The following TMPRSS15 variants were observed in gnomAD, a reference collection of about 807,000 sequenced individuals.
The protein encoded by TMPRSS15 is transmembrane serine protease 15.
A neutral mutation model predicts 125.3 loss-of-function variants in TMPRSS15; 128 were observed. That is an observed-to-expected ratio of 1.02 (90% CI 0.89 to 1.18). TMPRSS15 has a LOEUF of 1.18. Ranked by LOEUF, TMPRSS15 falls within the 50% of genes most tolerant of loss-of-function variation. TMPRSS15 has a pLI of 0.00. For synonymous variants in TMPRSS15, 446 were observed against 423.2 expected (o/e 1.05, Z -0.66); for missense variants, 1,283 against 1,212.7 (o/e 1.06, Z -0.86).
intron 10 of TMPRSS15, 49 bp from the exon 11 acceptor site, chr21:18,344,109 A>G (rs956064050): frequency 4.8e-6 from 7 of 1,457,664 alleles, no homozygotes; most frequent in Non-Finnish European, 6.7e-6. Context: ...TTGCATTTTC[A>G]TTGTGTGACA....
rs1392583868 is a variant in TMPRSS15 at position 18,472,004 on chromosome 21, A to G, written c.10+13795T>C. Among the ~76,000 whole-genome samples the G allele has an allele frequency of 2.6e-5, 4 of 152,156 alleles. No individual in the cohort carries two copies. The East Asian group carries it at 7.7e-4, about 29-fold the overall frequency. Reference sequence around the variant, plus strand: ...GAAGCAAACTGATTAAATGGAAAGTAAAAGGAAAATCATAGGGAGAGACAG... The same window carrying G: ...GAAGCAAACTGATTAAATGGAAAGTGAAAGGAAAATCATAGGGAGAGACAG... On this transcript the variant is annotated intron_variant, in intron 1 of 7. Transcript: ENST00000422787.
intron 16 of TMPRSS15, among the ~76,000 whole-genome samples, chr21:18,324,501 A>G (rs2075270178): frequency 6.6e-6 from 1 of 152,214 alleles, no homozygotes; most frequent in South Asian, 2.1e-4. Flanking sequence ...CTATGGCCAA[A>G]GACGGCCATC....
At chr21:18,274,539 A>C (rs111546592) in intron 24 of TMPRSS15, among the ~76,000 whole-genome samples, 309 of 152,324 alleles carry the variant, frequency 2.0e-3, no homozygotes, top group African/African-American at 7.0e-3. Context: ...AGCCATTGAC[A>C]CTTCAAATTT....
chr21:18,441,090 C>T (rs191667008), intron 1 of TMPRSS15, among the ~76,000 whole-genome samples: 80 of 149,912 alleles, frequency 5.3e-4, no homozygotes, highest in African/African-American at 1.8e-3. Context: ...GTCAGGAGTT[C>T]GAGACCAGCC....
chr21:18,401,207 G>A (rs1228963958), intron 1 of TMPRSS15, among the ~76,000 whole-genome samples: 1 of 152,156 alleles, frequency 6.6e-6, no homozygotes, highest in East Asian at 1.9e-4. Flanking sequence ...AATACCATTT[G>A]ACCCAGCAAT....
chr21:18,350,222 G>A (rs1245995599), intron 10 of TMPRSS15, among the ~76,000 whole-genome samples: 1 of 152,078 alleles, frequency 6.6e-6, no homozygotes, highest in Non-Finnish European at 1.5e-5. Flanking sequence ...ATCAGGCACT[G>A]GGAAATAACT....
At chr21:18,326,362 T>C in intron 16 of TMPRSS15, 70 bp downstream of exon 16, 2 of 1,598,756 alleles carry the variant, frequency 1.3e-6, no homozygotes, top group Non-Finnish European at 8.6e-7. Context: ...ATTTTGGCCT[T>C]GAAATTCTGT....
At chr21:18,349,294 T>C (rs989016414) in intron 10 of TMPRSS15, among the ~76,000 whole-genome samples, 1 of 152,194 alleles carries the variant, frequency 6.6e-6, no homozygotes, top group African/African-American at 2.4e-5. Context: ...CACCACCTTC[T>C]TGACCAATTC....
At chr21:18,432,804 A>C (rs1421091755) in intron 1 of TMPRSS15, among the ~76,000 whole-genome samples, 1 of 152,160 alleles carries the variant, frequency 6.6e-6, no homozygotes, top group Non-Finnish European at 1.5e-5. Flanking sequence ...TTGTTTAGGC[A>C]ACCCTAGGAA....
chr21:18,446,275 A>G (rs2076255620), intron 1 of TMPRSS15, among the ~76,000 whole-genome samples: 1 of 152,200 alleles, frequency 6.6e-6, no homozygotes. Flanking sequence ...ATACAAGGAA[A>G]ACTATAAAAC....
At chr21:18,391,151 C>T (rs2075987075) in intron 3 of TMPRSS15, among the ~76,000 whole-genome samples, 1 of 152,156 alleles carries the variant, frequency 6.6e-6, no homozygotes, top group Non-Finnish European at 1.5e-5. Flanking sequence ...TATCATTCTG[C>T]TTCAGGCCCC....
In TMPRSS15 at chr21:18,341,488, G is replaced by A. The variant is rs537737617; in HGVS notation, c.1489C>T (p.Leu497=). 1,245 of 1,614,146 alleles carry A rather than the reference G, an allele frequency of 7.7e-4. 23 individuals are homozygous for A. The South Asian group carries it at 0.013, about 17-fold the overall frequency. ...LSDIALDDIS[L]TYGICNGSLY... is the part of the protein sequence containing the mutation. ...CTCCCATTGCAAATCCCATATGTTA[G>A]GCTAATGTCATCCAACGCAATATCA... Residue 497 remains leucine, a synonymous_variant, in exon 13 of 25, where the codon CTA becomes TTA. Coordinates refer to ENST00000284885, the MANE Select transcript of TMPRSS15 (RefSeq NM_002772.3).
intron 17 of TMPRSS15, 123 bp from the exon 18 acceptor site, chr21:18,313,200 GCA>G: frequency 1.3e-6 from 1 of 751,216 alleles, no homozygotes; most frequent in East Asian, 2.6e-5. Context: ...GAGATCTCTT[GCA>G]CAGCACTGTG....
chr21:18,459,995 C>T (rs568291136), intron 1 of TMPRSS15, among the ~76,000 whole-genome samples: 1 of 152,028 alleles, frequency 6.6e-6, no homozygotes, highest in East Asian at 1.9e-4. Flanking sequence ...ATAATACTAT[C>T]GATTTTTATA....
chr21:18,418,810 T>C (rs2076185797), intron 1 of TMPRSS15, among the ~76,000 whole-genome samples: 1 of 152,218 alleles, frequency 6.6e-6, no homozygotes, highest in Admixed American at 6.5e-5. Context: ...GGCACCTCTT[T>C]GTGACAATGG....
intron 14 of TMPRSS15, among the ~76,000 whole-genome samples, chr21:18,330,660 G>A (rs1178075290): frequency 6.6e-6 from 1 of 152,076 alleles, no homozygotes; most frequent in Non-Finnish European, 1.5e-5. Context: ...ATAAAGTATT[G>A]AATACACATT....
intron 1 of TMPRSS15, among the ~76,000 whole-genome samples, chr21:18,445,145 C>A (rs968198402): frequency 6.6e-6 from 1 of 151,544 alleles, no homozygotes; most frequent in Non-Finnish European, 1.5e-5. Context: ...GGCTAGTACT[C>A]CATTGTATAT....
intron 1 of TMPRSS15, among the ~76,000 whole-genome samples, chr21:18,434,515 AG>A (rs1467059689): frequency 1.3e-5 from 2 of 152,122 alleles, no homozygotes; most frequent in African/African-American, 4.8e-5. Context: ...ACACATATCC[AG>A]AATAGTGATT....
chr21:18,402,946 G>A (rs372541632), intron 1 of TMPRSS15, among the ~76,000 whole-genome samples: 1 of 152,112 alleles, frequency 6.6e-6, no homozygotes, highest in Non-Finnish European at 1.5e-5. Flanking sequence ...TATCGGAGTT[G>A]CTACTCAGTT....
Sources: allele counts gnomAD v4.1 joint callset (sites outside exome capture counted in the v4.1 genomes callset), GRCh38; gene constraint gnomAD v4.1.1; transcripts MANE v1.5; gene names NCBI Gene and HGNC (gene_info 2026-07-23, HGNC 2026-07-21).